Variants in RUNX1 observed in about 807,000 individuals in gnomAD.
The protein encoded by RUNX1 is RUNX family transcription factor 1, also known as runt-related transcription factor 1.
Under a neutral mutation model 42.8 loss-of-function variants are expected in RUNX1, and 19 were observed. The observed-to-expected ratio is 0.44, with a 90% CI of 0.31 to 0.65. The LOEUF (loss-of-function observed/expected upper bound fraction) is 0.65. RUNX1 is among the 30% of genes least tolerant of loss of function. RUNX1 has a pLI of 0.07. For synonymous variants in RUNX1, 271 were observed against 289.4 expected (o/e 0.94, Z 0.64); for missense variants, 528 against 672.0 (o/e 0.79, Z 2.37).
chr21:34,929,096 T>C lies in RUNX1; in HGVS notation c.59-36133A>G, dbSNP rs554752737. Among the ~76,000 whole-genome samples, 23 of 152,236 alleles carry C rather than the reference T, an allele frequency of 1.5e-4. 1 individual carries two copies. Among genetic ancestry groups the C allele is most frequent in the Middle Eastern group, 3.4e-3 (1 of 294 alleles). On this transcript the variant is annotated intron_variant, in intron 2 of 8. Transcript: ENST00000675419. ...ACTCTGTACATCAGCCTGAAGCAAC[T>C]TGTCACCAGAAAAATGGAAGATGAG...
At chr21:34,888,949 G>C (rs962693061) in intron 3 of RUNX1, among the ~76,000 whole-genome samples, 14 of 151,378 alleles carry the variant, frequency 9.2e-5, no homozygotes, top group Non-Finnish European at 1.5e-4. Context: ...ATGCTGGCCC[G>C]GGGCCCCGCC....
intron 6 of RUNX1, among the ~76,000 whole-genome samples, chr21:34,849,600 A>T (rs952329397): frequency 4.1e-5 from 6 of 144,870 alleles, no homozygotes; most frequent in Non-Finnish European, 8.9e-5. Context: ...AGTTGATGAA[A>T]ATATACCATG....
In RUNX1 at chr21:34,792,570, G is replaced by C. The variant is rs969459005; in HGVS notation, c.1008C>G (p.Phe336Leu). 1.2e-6 allele frequency: 2 copies of C among 1,605,398 alleles called. No homozygotes were observed. Among genetic ancestry groups the C allele is most frequent in the Non-Finnish European group, 1.7e-6 (2 of 1,176,190 alleles). Residue 336 changes from phenylalanine (F) to leucine (L), a missense_variant, in exon 9 of 9, where the codon TTC (phenylalanine) becomes TTG (leucine). By Grantham distance (22) the Phe-to-Leu change is conservative. Transcript: ENST00000675419. This position sits in a 1 kb window ranked among gnomAD's most constrained non-coding sequence, Gnocchi z 6.9. Reference protein sequence around the residue: ...DLTAFSDPRQFPALPSISDPR... With the variant: ...DLTAFSDPRQLPALPSISDPR... ...GGTCGGAGATGGAGGGCAGCGCGGG[G>C]AACTGGCGCGGGTCGCTGAACGCTG...
At chr21:34,960,575 T>C (rs893576857) in intron 2 of RUNX1, among the ~76,000 whole-genome samples, 2 of 152,230 alleles carry the variant, frequency 1.3e-5, no homozygotes, top group Admixed American at 6.5e-5. Flanking sequence ...GAGGCTTTCA[T>C]GGATAGAATC....
chr21:34,821,295 CATT>C (rs1372893322), intron 7 of RUNX1: 3 of 1,102,722 alleles, frequency 2.7e-6, no homozygotes, highest in Non-Finnish European at 3.3e-6. Context: ...AAAAGAATAA[CATT>C]GACCATTTAT....
chr21:34,791,183 A>G lies in RUNX1; in HGVS notation c.*952T>C, dbSNP rs2056428983. ...TGAAAGGGAGTTTAATGTAAACAAT[A>G]CTTCTGGATAACCAAGCGATCACAT... On this transcript the variant is annotated 3_prime_UTR_variant, in exon 9 of 9. Transcript: ENST00000675419. 4.3e-6 allele frequency: 1 copy of G among 233,594 alleles called. No homozygotes were observed. The highest frequency in any genetic ancestry group is 8.5e-6 in the Non-Finnish European group (1 of 117,982). The allele number at this position is 233,594 out of a possible 1,614,324, so 14.5% of individuals were successfully genotyped here.
At chr21:34,800,201 CA>C (rs1158038122) in intron 7 of RUNX1, among the ~76,000 whole-genome samples, 1 of 152,164 alleles carries the variant, frequency 6.6e-6, no homozygotes, top group Non-Finnish European at 1.5e-5. Context: ...AGAGAAGAGA[CA>C]AAAGTCTGAC....
At chr21:34,853,194 A>T (rs1177537607) in intron 6 of RUNX1, among the ~76,000 whole-genome samples, 1 of 152,150 alleles carries the variant, frequency 6.6e-6, no homozygotes. Flanking sequence ...ACAGAAGCAG[A>T]ACCAACTGCT....
intron 5 of RUNX1, among the ~76,000 whole-genome samples, chr21:34,862,625 T>C (rs1219942738): frequency 1.3e-5 from 2 of 152,194 alleles, no homozygotes; most frequent in Non-Finnish European, 2.9e-5. Context: ...CTCTAGCCTC[T>C]GCCTCCATCT....
At chr21:34,917,874 T>C (rs1299122463) in intron 2 of RUNX1, among the ~76,000 whole-genome samples, 3 of 152,252 alleles carry the variant, frequency 2.0e-5, no homozygotes, top group South Asian at 4.1e-4. Flanking sequence ...CTCATGCCTA[T>C]AATCCCAGCA....
intron 2 of RUNX1, among the ~76,000 whole-genome samples, chr21:35,047,559 A>ACTCTCTCT (rs1271931704): frequency 9.3e-5 from 6 of 64,272 alleles, no homozygotes; most frequent in African/African-American, 3.8e-4. Context: ...ACACACACAC[A>ACTCTCTCT]CACTCTCTCT....
chr21:34,860,406 A>G (rs1293708261), intron 5 of RUNX1, among the ~76,000 whole-genome samples: 1 of 152,224 alleles, frequency 6.6e-6, no homozygotes, highest in Admixed American at 6.5e-5. Flanking sequence ...TATCCTTACC[A>G]GGAAGATGGT....
At chr21:34,857,061 G>A (rs1330778356) in intron 6 of RUNX1, among the ~76,000 whole-genome samples, 2 of 152,170 alleles carry the variant, frequency 1.3e-5, no homozygotes, top group African/African-American at 4.8e-5. Flanking sequence ...GAGTCTGCAT[G>A]CACTTGGCTT....
intron 2 of RUNX1, among the ~76,000 whole-genome samples, chr21:34,917,643 A>G (rs1040799716): frequency 2.0e-5 from 3 of 152,238 alleles, no homozygotes; most frequent in Admixed American, 1.3e-4. Context: ...ACAGATGGAA[A>G]GGTGGTCAGA....
At position 34,889,644 on chromosome 21, in the gene RUNX1, G is replaced by A. The variant is rs552122364; in HGVS notation, c.98-2548C>T. On this transcript the variant is annotated intron_variant, in intron 3 of 8. Coordinates refer to ENST00000675419, the MANE Select transcript of RUNX1 (RefSeq NM_001754.5). The stretch of plus-strand genomic sequence containing the variant: ...GGCCCCCGCTCCTCTCCCCGCCCCC[G>A]TGCGCTCGAGCGGCCCCAGGTGCGG... 473 of 1,105,316 alleles carry A rather than the reference G, an allele frequency of 4.3e-4. No individual in the cohort carries two copies. In the African/African-American group the frequency reaches 6.6e-3, roughly 16 times the overall value. 68.5% of individuals were successfully genotyped at this position (1,105,316 alleles called of 1,614,324 possible).
chr21:34,954,700 T>C (rs2058632388), intron 2 of RUNX1, among the ~76,000 whole-genome samples: 1 of 152,084 alleles, frequency 6.6e-6, no homozygotes, highest in Non-Finnish European at 1.5e-5. Context: ...CCCCTCACTG[T>C]AGTGACATTA....
chr21:34,870,107 T>C (rs777746462), intron 5 of RUNX1, among the ~76,000 whole-genome samples: 24 of 152,154 alleles, frequency 1.6e-4, no homozygotes, highest in Non-Finnish European at 2.8e-4. Context: ...CAGAACCGTA[T>C]GGGGCCCTGA....
rs2058229054 is a variant in RUNX1, at chr21:34,907,255, A to T, written c.59-14292T>A. On this transcript the variant is annotated intron_variant, in intron 2 of 8. Transcript: ENST00000675419. The surrounding 1 kb of genome is among the most constrained non-coding windows in gnomAD (Gnocchi z 5.3). Reference sequence around the variant, plus strand: ...AAGGGGCACAGAGAAGGAGATATAGACTTCTAATTTAGCAAAAAGAAGTAT... The same window carrying T: ...AAGGGGCACAGAGAAGGAGATATAGTCTTCTAATTTAGCAAAAAGAAGTAT... Among the ~76,000 whole-genome samples, 2 of 152,168 alleles carry T rather than the reference A, an allele frequency of 1.3e-5. No individual in the cohort carries two copies. Among genetic ancestry groups the T allele is most frequent in the African/African-American group, 4.8e-5 (2 of 41,444 alleles).
chr21:35,012,868 C>A (rs2059135526), intron 2 of RUNX1, among the ~76,000 whole-genome samples: 1 of 152,028 alleles, frequency 6.6e-6, no homozygotes, highest in Non-Finnish European at 1.5e-5. Context: ...AAATGTCAGA[C>A]AATAAATATT....
Sources: allele counts gnomAD v4.1 joint callset (sites outside exome capture counted in the v4.1 genomes callset), GRCh38; gene constraint gnomAD v4.1.1; non-coding constraint Gnocchi (gnomAD v3.1); transcripts MANE v1.5; gene names NCBI Gene and HGNC (gene_info 2026-07-23, HGNC 2026-07-21).